Variants in HSPA12A observed in about 807,000 individuals in gnomAD.
The protein encoded by HSPA12A is heat shock 70 kDa protein 12A.
A neutral mutation model predicts 69.2 loss-of-function variants in HSPA12A; 28 were observed. The ratio of observed to expected loss-of-function variants is 0.40; its 90% CI spans 0.30 to 0.55. HSPA12A has a LOEUF of 0.55. Among genes scored for constraint, HSPA12A ranks in the 20% least tolerant of loss-of-function variants. The probability of loss-of-function intolerance (pLI) is 0.38; values close to 1 mark genes in which losing one functional copy is unlikely to be tolerated. For missense variants in HSPA12A, 686 were observed against 900.7 expected, an observed-to-expected ratio of 0.76 and a Z score of 3.05; for synonymous variants, 345 against 370.5, an observed-to-expected ratio of 0.93 and a Z score of 0.79.
chr10:116,797,128 G>T (rs1405252791), intron 2 of HSPA12A, among the ~76,000 whole-genome samples: 1 of 152,206 alleles, frequency 6.6e-6, no homozygotes, highest in Non-Finnish European at 1.5e-5. Context: ...GGGAGCTACA[G>T]GTTTCTCTTT....
chr10:116,780,526 ATTTAT>A (rs145237754), intron 2 of HSPA12A, among the ~76,000 whole-genome samples: 106,515 of 148,248 alleles, frequency 0.72, 38,685 homozygotes, highest in South Asian at 0.82. Context: ...TAATTTTTTG[ATTTAT>A]TTTATTTTAT....
chr10:116,786,671 G>A (rs1364412416), intron 2 of HSPA12A, among the ~76,000 whole-genome samples: 1 of 151,978 alleles, frequency 6.6e-6, no homozygotes, highest in Non-Finnish European at 1.5e-5. Flanking sequence ...ACAGAGTCTG[G>A]CTCTGTCACC....
upstream of HSPA12A, among the ~76,000 whole-genome samples, chr10:116,746,131 G>A (rs1181621169): frequency 6.6e-6 from 1 of 152,012 alleles, no homozygotes; most frequent in Admixed American, 6.6e-5. Flanking sequence ...TCCTCTCCGG[G>A]ATCCCGTTCA....
chr10:116,678,119 T>C (rs1849292311), intron 10 of HSPA12A, among the ~76,000 whole-genome samples: 2 of 151,608 alleles, frequency 1.3e-5, no homozygotes, highest in African/African-American at 4.8e-5. Flanking sequence ...TCTAGCTAAA[T>C]AAATGAGGAA....
chr10:116,712,672 G>C (rs1308150010), intron 1 of HSPA12A, among the ~76,000 whole-genome samples: 1 of 152,048 alleles, frequency 6.6e-6, no homozygotes, highest in African/African-American at 2.4e-5. Context: ...CTTGCTTGCT[G>C]TTCTCCTCTG....
At chr10:116,779,303 G>A (rs1039648333) in intron 2 of HSPA12A, among the ~76,000 whole-genome samples, 5 of 152,182 alleles carry the variant, frequency 3.3e-5, no homozygotes, top group Non-Finnish European at 5.9e-5. Flanking sequence ...AGAGTAGCAG[G>A]GAGGGGAGAC....
chr10:116,707,630 T>C (rs558716889), intron 1 of HSPA12A, among the ~76,000 whole-genome samples: 50 of 152,330 alleles, frequency 3.3e-4, no homozygotes, highest in African/African-American at 1.0e-3. Flanking sequence ...CCAGGCTCCA[T>C]GATGGACTAG....
intron 2 of HSPA12A, among the ~76,000 whole-genome samples, chr10:116,790,773 C>T (rs541295114): frequency 6.6e-6 from 1 of 152,158 alleles, no homozygotes. Context: ...TCACTGCAAC[C>T]TTTGCCTCCC....
rs1849343955 is a variant in HSPA12A, at chr10:116,679,590, G to A, written c.1199C>T (p.Pro400Leu). Residue 400 changes from proline to leucine, a missense_variant, in exon 10 of 12, where the codon CCG becomes CTG. Transcript: ENST00000369209. The part of the protein sequence containing the change: ...KRAAAPDRTN[P>L]LNITLPFSFI... ...GGAGAAGGGCAGGGTGATGTTCAGC[G>A]GGTTAGTTCTGTCTGGGGCAGCCGC... 3 of 1,614,244 alleles carry A rather than the reference G, an allele frequency of 1.9e-6. No individual in the cohort carries two copies. Among genetic ancestry groups the A allele is most frequent in the South Asian group, 2.2e-5 (2 of 91,086 alleles).
intron 2 of HSPA12A, among the ~76,000 whole-genome samples, chr10:116,796,158 AAAAAAAAAG>A (rs1261549258): frequency 0.011 from 637 of 59,696 alleles, 1 homozygote; most frequent in African/African-American, 0.021. Flanking sequence ...AAAAAAAAAA[AAAAAAAAAG>A]AAAGAAAGAA....
Position 116,755,580 on chromosome 10 carries a change from C to G in HSPA12A, c.92-48295G>C, listed in dbSNP as rs184706272. Among the ~76,000 whole-genome samples, 506 of 146,582 alleles carry G rather than the reference C, an allele frequency of 3.5e-3. 2 individuals carry two copies. Among genetic ancestry groups the G allele is most frequent in the Non-Finnish European group, 5.4e-3 (365 of 67,232 alleles). On this transcript the variant is annotated intron_variant, in intron 2 of 12. Coordinates refer to the HSPA12A transcript ENST00000635765. ...TGAGCCAAGATCGTGCCACTGCACT[C>G]CAGCCTGGGTGAAAGAGTGAGACTG...
At chr10:116,775,734 C>T (rs1844321622) in intron 2 of HSPA12A, among the ~76,000 whole-genome samples, 4 of 152,174 alleles carry the variant, frequency 2.6e-5, no homozygotes, top group African/African-American at 4.8e-5. Flanking sequence ...TTGGGGACAT[C>T]AGGGCACAGA....
chr10:116,800,940 G>A (rs1459103794), intron 2 of HSPA12A, among the ~76,000 whole-genome samples: 1 of 152,196 alleles, frequency 6.6e-6, no homozygotes, highest in African/African-American at 2.4e-5. Context: ...GAGCAGAAGG[G>A]CTTCGAAAAT....
At chr10:116,842,161 T>G (rs1845812279) in intron 1 of HSPA12A, among the ~76,000 whole-genome samples, 1 of 152,198 alleles carries the variant, frequency 6.6e-6, no homozygotes, top group Non-Finnish European at 1.5e-5. Flanking sequence ...GGTTCTCAAG[T>G]TTAATTACAA....
chr10:116,694,474 C>T (rs1849825546), intron 5 of HSPA12A, among the ~76,000 whole-genome samples: 2 of 152,150 alleles, frequency 1.3e-5, no homozygotes, highest in Non-Finnish European at 2.9e-5. Flanking sequence ...GTCTCTCTGG[C>T]TGAGCTGAGG....
intron 8 of HSPA12A, 135 bp from the exon 9 acceptor site, chr10:116,681,391 C>A: frequency 1.4e-6 from 1 of 689,736 alleles, no homozygotes. Context: ...TGCTAATTAG[C>A]AGCTCTAGGA....
At position 116,672,246 on chromosome 10, in the gene HSPA12A, C is replaced by CAA. The variant is rs1414611826; in HGVS notation, c.*2534_*2535insTT. The CAA allele has an allele frequency of 2.6e-5, 4 of 152,230 alleles. No individual in the cohort carries two copies. The highest frequency in any genetic ancestry group is 2.6e-4 in the Admixed American group (4 of 15,286). 9.4% of individuals were successfully genotyped at this position (152,230 alleles called of 1,614,324 possible). A position where few individuals can be genotyped will look rare whatever the true frequency, so the allele number is the denominator to read the frequency against. ...CACACAGTGGACCACGCTTTGCCCT[C>CAA]AGAGTGACTGCTCCGACCCGGAAGG... On this transcript the variant is annotated 3_prime_UTR_variant, in exon 12 of 12. Coordinates refer to ENST00000369209, the MANE Select transcript of HSPA12A (RefSeq NM_025015.3).
At chr10:116,794,837 G>GT (rs1160472386) in intron 2 of HSPA12A, among the ~76,000 whole-genome samples, 1 of 151,984 alleles carries the variant, frequency 6.6e-6, no homozygotes, top group Non-Finnish European at 1.5e-5. Context: ...AAAGATAATA[G>GT]TTTTTTTAAG....
intron 2 of HSPA12A, among the ~76,000 whole-genome samples, chr10:116,816,123 G>A (rs1322964610): frequency 1.3e-5 from 2 of 152,216 alleles, no homozygotes; most frequent in Admixed American, 1.3e-4. Flanking sequence ...TGGCCGCAGA[G>A]AGGAGTGAGT....
Sources: gnomAD v4.1 joint callset for allele counts (sites outside exome capture counted in the v4.1 genomes callset) on GRCh38, gnomAD v4.1.1 for gene constraint, MANE v1.5 for transcripts, NCBI Gene and HGNC (gene_info 2026-07-23, HGNC 2026-07-21) for gene names.